Variants in MNAT1 observed in about 807,000 individuals in gnomAD.
The protein encoded by MNAT1 is CDK-activating kinase assembly factor MAT1.
Under a neutral mutation model 42.0 loss-of-function variants are expected in MNAT1, and 43 were observed. The observed-to-expected ratio is 1.02, with a 90% CI of 0.80 to 1.32. MNAT1 has a LOEUF of 1.32. Among genes scored for constraint, MNAT1 ranks in the 40% most tolerant of loss-of-function variants. The pLI is 0.00. For missense variants in MNAT1, 306 were observed against 350.4 expected (o/e 0.87, Z 1.01); for synonymous variants, 118 against 120.0 (o/e 0.98, Z 0.11).
chr14:60,927,742 C>T (rs772134930), intron 7 of MNAT1, among the ~76,000 whole-genome samples: 36 of 152,082 alleles, frequency 2.4e-4, no homozygotes, highest in Non-Finnish European at 5.1e-4. Context: ...CCTCTACCCA[C>T]GGTGAGGCTG....
chr14:60,763,574 A>G (rs2030696204), intron 1 of MNAT1, among the ~76,000 whole-genome samples: 2 of 152,058 alleles, frequency 1.3e-5, no homozygotes, highest in South Asian at 4.1e-4. Flanking sequence ...TTTCAGTTCA[A>G]TTTTCACTCG....
At chr14:60,858,491 G>A (rs2034017108) in intron 6 of MNAT1, among the ~76,000 whole-genome samples, 1 of 151,642 alleles carries the variant, frequency 6.6e-6, no homozygotes, top group Non-Finnish European at 1.5e-5. Flanking sequence ...CAGATGGATA[G>A]ATTGCATAAC....
chr14:60,889,939 A>T (rs1221519864), intron 7 of MNAT1, among the ~76,000 whole-genome samples: 5 of 152,232 alleles, frequency 3.3e-5, no homozygotes, highest in African/African-American at 7.2e-5. Flanking sequence ...ATCATTAAAA[A>T]GTCAGGAAAC....
At chr14:60,865,145 T>C (rs2034176445) in intron 6 of MNAT1, among the ~76,000 whole-genome samples, 1 of 152,080 alleles carries the variant, frequency 6.6e-6, no homozygotes, top group Non-Finnish European at 1.5e-5. Context: ...TCTTAAATTA[T>C]TCAGTCTCTA....
chr14:60,747,187 T>C (rs1475982537), intron 1 of MNAT1, among the ~76,000 whole-genome samples: 1 of 151,678 alleles, frequency 6.6e-6, no homozygotes, highest in Non-Finnish European at 1.5e-5. Flanking sequence ...GGTTTCACCA[T>C]GTTAGCCAGG....
chr14:60,854,963 T>C (rs2033917820), intron 6 of MNAT1, among the ~76,000 whole-genome samples: 1 of 152,172 alleles, frequency 6.6e-6, no homozygotes, highest in Non-Finnish European at 1.5e-5. Context: ...ACGGGGGTTT[T>C]GTCTGTAAGC....
At chr14:60,886,802 A>G (rs944022988) in intron 7 of MNAT1, among the ~76,000 whole-genome samples, 72 of 152,222 alleles carry the variant, frequency 4.7e-4, no homozygotes, top group African/African-American at 1.7e-3. Context: ...ATATAGGATC[A>G]TGTCATATGC....
chr14:60,747,951 C>CT (rs753970959), intron 1 of MNAT1, among the ~76,000 whole-genome samples: 24 of 152,172 alleles, frequency 1.6e-4, no homozygotes, highest in Middle Eastern at 3.2e-3. Context: ...AATCCTAGCA[C>CT]TATGGGAGGC....
chr14:60,835,203 C>T (rs773652219), intron 6 of MNAT1, among the ~76,000 whole-genome samples: 4 of 152,024 alleles, frequency 2.6e-5, no homozygotes, highest in African/African-American at 7.3e-5. Flanking sequence ...ACTCTTTATC[C>T]AATTTGCCAG....
At chr14:60,906,806 G>T (rs1219547019) in intron 7 of MNAT1, among the ~76,000 whole-genome samples, 1 of 152,066 alleles carries the variant, frequency 6.6e-6, no homozygotes, top group East Asian at 1.9e-4. Flanking sequence ...TCTTTTGTTG[G>T]TCCAAGTTCT....
At chr14:60,750,267 C>G (rs1275505418) in intron 1 of MNAT1, among the ~76,000 whole-genome samples, 1 of 151,300 alleles carries the variant, frequency 6.6e-6, no homozygotes, top group African/African-American at 2.4e-5. Flanking sequence ...CGTTCTGTCG[C>G]CCAGGCTGGA....
At position 60,806,119 on chromosome 14, in the gene MNAT1, T is replaced by G. The variant is rs1463107605; in HGVS notation, c.317-2206T>G. 3.3e-5 allele frequency among the ~76,000 whole-genome samples: 5 copies of G among 152,160 alleles called. No homozygotes were observed. The East Asian group carries it at 5.8e-4, about 18-fold the overall frequency. On this transcript the variant is annotated intron_variant, in intron 3 of 7. Transcript: ENST00000261245. ...AGTGATAATAAAGATGAATCAGACC[T>G]AGAAACTGCCCTCAAGGAACATTCT...
rs186339318 is a variant in MNAT1 at position 60,831,525 on chromosome 14, A to G, written c.687+12678A>G. ...CATGACCTCATCCTTTTTTATGGCT[A>G]CATAGTATTCCATGGTGTATACGTG... On this transcript the variant is annotated intron_variant, in intron 6 of 7. Coordinates refer to ENST00000261245, the MANE Select transcript of MNAT1 (RefSeq NM_002431.4). 7.9e-5 allele frequency among the ~76,000 whole-genome samples: 12 copies of G among 152,246 alleles called. No individual in the cohort carries two copies. In the East Asian group the frequency reaches 2.1e-3, roughly 27 times the overall value.
At chr14:60,736,215 T>G (rs984445946) in intron 1 of MNAT1, among the ~76,000 whole-genome samples, 5 of 152,098 alleles carry the variant, frequency 3.3e-5, no homozygotes, top group South Asian at 2.1e-4. Flanking sequence ...GTAGATAGAC[T>G]GTTTTTAGAG....
intron 1 of MNAT1, among the ~76,000 whole-genome samples, chr14:60,754,761 T>C (rs1461931539): frequency 6.6e-6 from 1 of 152,186 alleles, no homozygotes; most frequent in African/African-American, 2.4e-5. Flanking sequence ...AGGGGGAATC[T>C]AGTAGTATTG....
chr14:60,744,998 G>T (rs1566748417), intron 1 of MNAT1, among the ~76,000 whole-genome samples: 1 of 152,066 alleles, frequency 6.6e-6, no homozygotes, highest in African/African-American at 2.4e-5. Context: ...CCTATTTCTT[G>T]GCCAAGGATT....
rs745907025 is a variant in MNAT1, at chr14:60,818,855, T to C, written c.687+8T>C. 8 of 1,606,064 alleles carry C rather than the reference T, an allele frequency of 5.0e-6. No individual in the cohort carries two copies. Among genetic ancestry groups the C allele is most frequent in the Non-Finnish European group, 5.1e-6 (6 of 1,177,148 alleles). On this transcript the variant is annotated splice_region_variant and intron_variant, in intron 6 of 7. Transcript: ENST00000261245. ...TCCACAGGCATCAAAATGGTAAGCC[T>C]TATTTTAATTGCTTGTTTGAAAGAT... is the stretch of plus-strand genomic sequence containing the variant.
intron 1 of MNAT1, among the ~76,000 whole-genome samples, chr14:60,736,861 A>G (rs1896323050): frequency 6.6e-6 from 1 of 152,188 alleles, no homozygotes; most frequent in Non-Finnish European, 1.5e-5. Flanking sequence ...TTTGTTTACT[A>G]TATATTGGCT....
In MNAT1 at chr14:60,879,859, A is replaced by G. The variant is rs1399354975; in HGVS notation, c.809+24A>G. On this transcript the variant is annotated intron_variant, in intron 7 of 7. Transcript: ENST00000261245. ...GGGTATGTGTCCTAAAGAACTTTACATTGAGGAGCTGATATGTGGGACTTA... is the reference window on the plus strand; with the variant it reads ...GGGTATGTGTCCTAAAGAACTTTACGTTGAGGAGCTGATATGTGGGACTTA... The G allele has an allele frequency of 3.1e-6, 5 of 1,604,346 alleles. No individual in the cohort carries two copies. The African/African-American group carries it at 4.0e-5, about 13-fold the overall frequency.
Sources: allele counts gnomAD v4.1 joint callset (sites outside exome capture counted in the v4.1 genomes callset), GRCh38; gene constraint gnomAD v4.1.1; transcripts MANE v1.5; gene names NCBI Gene and HGNC (gene_info 2026-07-23, HGNC 2026-07-21).